Variants in CFAP221 observed in about 807,000 individuals in gnomAD.
CFAP221 encodes cilia- and flagella-associated protein 221.
In CFAP221, 97 loss-of-function variants were observed where a neutral mutation model predicts 113.1. The observed-to-expected ratio is 0.86, with a 90% CI of 0.73 to 1.02. CFAP221 has a LOEUF of 1.02. Among genes scored for constraint, CFAP221 ranks in the 50% least tolerant of loss-of-function variants. The pLI is 0.00. For missense variants in CFAP221, 1,025 were observed against 1,013.4 expected, an observed-to-expected ratio of 1.01 and a Z score of -0.16; for synonymous variants, 331 against 354.4, an observed-to-expected ratio of 0.93 and a Z score of 0.74.
intron 21 of CFAP221, among the ~76,000 whole-genome samples, chr2:119,644,992 T>TC (rs748664865): frequency 0.027 from 1,019 of 37,654 alleles, 22 homozygotes; most frequent in African/African-American, 0.082. Flanking sequence ...GGTTTCCAGG[T>TC]CCCCCCCCCC....
chr2:119,560,585 C>T (rs2104538336), intron 5 of CFAP221, among the ~76,000 whole-genome samples: 1 of 152,198 alleles, frequency 6.6e-6, no homozygotes, highest in Non-Finnish European at 1.5e-5. Context: ...AAAACTGTCC[C>T]CTCTGCCCCT....
rs1688424572 is a variant in CFAP221 at position 119,656,227 on chromosome 2, T to A, written c.2415-135T>A. On this transcript the variant is annotated intron_variant, in intron 23 of 23. Transcript: ENST00000413369. ...TTTTCACTGGTAAGTAAACTATCAC[T>A]AACTGTGGTGAAAACCTTCTTTGTA... 4 of 653,696 alleles carry A rather than the reference T, an allele frequency of 6.1e-6. No homozygotes were observed. The East Asian group carries it at 1.1e-4, about 18-fold the overall frequency. The allele number at this position is 653,696 out of a possible 1,614,324, so 40.5% of individuals were successfully genotyped here.
chr2:119,588,910 G>A (rs1040574964), intron 7 of CFAP221, among the ~76,000 whole-genome samples: 2 of 152,060 alleles, frequency 1.3e-5, no homozygotes, highest in Non-Finnish European at 2.9e-5. Flanking sequence ...TGGACCGAGG[G>A]CCACTCAGAC....
chr2:119,647,079 T>TTA, intron 22 of CFAP221, 29 bp downstream of exon 22: 2 of 1,565,088 alleles, frequency 1.3e-6, no homozygotes, highest in Non-Finnish European at 1.7e-6. Context: ...ATCTTTGGCC[T>TTA]CTAATGTGGT....
At chr2:119,592,013 T>C (rs1389209590) in intron 7 of CFAP221, among the ~76,000 whole-genome samples, 2 of 152,128 alleles carry the variant, frequency 1.3e-5, no homozygotes, top group African/African-American at 4.8e-5. Context: ...ATTATATAAA[T>C]ATTAAAACAC....
chr2:119,656,110 A>G (rs1688418526), intron 23 of CFAP221: 3 of 458,368 alleles, frequency 6.5e-6, no homozygotes, highest in Non-Finnish European at 1.2e-5. Context: ...ATCAGGAAAC[A>G]GGGGCTGTGG....
chr2:119,626,624 T>A (rs1261406496), intron 15 of CFAP221, among the ~76,000 whole-genome samples: 2 of 152,154 alleles, frequency 1.3e-5, no homozygotes, highest in Admixed American at 1.3e-4. Flanking sequence ...GGTCTTTCCC[T>A]AAGTTAAGGA....
At chr2:119,555,294 C>CA (rs1264169736) in intron 3 of CFAP221, among the ~76,000 whole-genome samples, 1 of 152,120 alleles carries the variant, frequency 6.6e-6, no homozygotes. Context: ...AGCAGAAGGT[C>CA]AGCTCCCAGG....
intron 7 of CFAP221, among the ~76,000 whole-genome samples, chr2:119,599,637 G>C (rs533193083): frequency 9.2e-5 from 14 of 152,282 alleles, no homozygotes; most frequent in Non-Finnish European, 1.3e-4. Flanking sequence ...AAAGGGATTA[G>C]AGCCAAGGCC....
At chr2:119,555,471 C>G (rs2104522141) in intron 3 of CFAP221, among the ~76,000 whole-genome samples, 1 of 152,314 alleles carries the variant, frequency 6.6e-6, no homozygotes, top group South Asian at 2.1e-4. Flanking sequence ...TTTCTAAGCA[C>G]TTTATTCATT....
At position 119,656,491 on chromosome 2, in the gene CFAP221, C is replaced by T; in HGVS notation, c.*21C>T. ...AATGAAAGTCACCAGTAGGTCAGTC[C>T]CTTCCATTTGCTTTCCGTGGGCCAC... On this transcript the variant is annotated 3_prime_UTR_variant, in exon 24 of 24. Coordinates refer to ENST00000413369, the MANE Select transcript of CFAP221 (RefSeq NM_001271049.2). The T allele has an allele frequency of 6.3e-7, 1 of 1,581,288 alleles. No individual in the cohort carries two copies. Among genetic ancestry groups the T allele is most frequent in the Non-Finnish European group, 8.7e-7 (1 of 1,150,900 alleles).
rs1686708557 is a variant in CFAP221 at position 119,630,670 on chromosome 2, G to A, written c.1832G>A (p.Gly611Glu). Residue 611 changes from glycine (G) to glutamate (E), a missense_variant, in exon 18 of 24, where the codon GGA becomes GAA. Coordinates refer to ENST00000413369, the MANE Select transcript of CFAP221 (RefSeq NM_001271049.2). ...AAGCTTGCCCGAGCCCTAAAGCAAG[G>A]AGCTGAGGTAACACACCCCCATCTT... is the stretch of plus-strand genomic sequence containing the variant. ...PQKLARALKQ[G>E]AEDEVTTITA... is the part of the protein sequence containing the mutation. 1.2e-6 allele frequency: 2 copies of A among 1,612,130 alleles called. No individual in the cohort carries two copies. The highest frequency in any genetic ancestry group is 2.7e-5 in the African/African-American group (2 of 74,850).
At chr2:119,606,647 G>T (rs752828566) in intron 11 of CFAP221, among the ~76,000 whole-genome samples, 16 of 152,030 alleles carry the variant, frequency 1.1e-4, no homozygotes, top group Non-Finnish European at 1.9e-4. Flanking sequence ...ATATAGAGAA[G>T]GAAAAAAAAT....
chr2:119,561,685 T>C (rs1468062241), intron 5 of CFAP221, among the ~76,000 whole-genome samples: 1 of 150,382 alleles, frequency 6.6e-6, no homozygotes, highest in African/African-American at 2.5e-5. Context: ...GGTTTCTCTT[T>C]TTCTTGGGCC....
chr2:119,545,612 T>A (rs996962668), intron 1 of CFAP221, among the ~76,000 whole-genome samples: 2 of 152,222 alleles, frequency 1.3e-5, no homozygotes, highest in African/African-American at 4.8e-5. Context: ...GACTCTGAAA[T>A]GCCAGTGTCC....
At chr2:119,558,654 C>CA (rs1254808434) in intron 3 of CFAP221, among the ~76,000 whole-genome samples, 3 of 151,808 alleles carry the variant, frequency 2.0e-5, no homozygotes, top group Admixed American at 6.6e-5. Context: ...CCCATCTCTA[C>CA]AAAAAATAAA....
At chr2:119,584,597 AAG>A (rs1491019232) in intron 6 of CFAP221, among the ~76,000 whole-genome samples, 1 of 152,100 alleles carries the variant, frequency 6.6e-6, no homozygotes, top group Non-Finnish European at 1.5e-5. Flanking sequence ...AAAAAAAAAA[AAG>A]AAGAATTTAC....
chr2:119,547,260 T>TA (rs1378382991), intron 2 of CFAP221, among the ~76,000 whole-genome samples: 3 of 152,120 alleles, frequency 2.0e-5, no homozygotes, highest in Admixed American at 6.5e-5. Flanking sequence ...CTTTCAACAT[T>TA]AAAAAAATCA....
intron 6 of CFAP221, among the ~76,000 whole-genome samples, chr2:119,569,578 T>G (rs1681901297): frequency 2.0e-5 from 3 of 152,196 alleles, no homozygotes; most frequent in African/African-American, 7.2e-5. Context: ...TTTAAATATT[T>G]CTTCTATTTT....
Sources: allele counts gnomAD v4.1 joint callset (sites outside exome capture counted in the v4.1 genomes callset), GRCh38; gene constraint gnomAD v4.1.1; transcripts MANE v1.5; gene names NCBI Gene and HGNC (gene_info 2026-07-23, HGNC 2026-07-21).